Variants in MGAT4C observed in about 807,000 individuals in gnomAD.
The protein encoded by MGAT4C is alpha-1,3-mannosyl-glycoprotein 4-beta-N-acetylglucosaminyltransferase C.
In MGAT4C, 19 loss-of-function variants were observed where a neutral mutation model predicts 40.1. The observed-to-expected ratio is 0.47, with a 90% CI of 0.33 to 0.70. The LOEUF (loss-of-function observed/expected upper bound fraction) is 0.70. Ranked by LOEUF, MGAT4C falls within the 30% of genes least tolerant of loss-of-function variation. MGAT4C has a pLI of 0.02. For synonymous variants in MGAT4C, 181 were observed against 187.1 expected, an observed-to-expected ratio of 0.97 and a Z score of 0.27; for missense variants, 491 against 563.2, an observed-to-expected ratio of 0.87 and a Z score of 1.30.
At chr12:86,147,584 A>G (rs1883720286) in intron 1 of MGAT4C, among the ~76,000 whole-genome samples, 1 of 152,148 alleles carries the variant, frequency 6.6e-6, no homozygotes, top group East Asian at 1.9e-4. Context: ...TACTTAGGAT[A>G]GTTTTTCCTC....
intron 3 of MGAT4C, among the ~76,000 whole-genome samples, chr12:86,392,747 T>C (rs976653576): frequency 6.6e-6 from 1 of 152,198 alleles, no homozygotes; most frequent in Non-Finnish European, 1.5e-5. Context: ...ATTTGACTGA[T>C]AAATACATAA....
chr12:86,051,381 A>T (rs1291978076), intron 1 of MGAT4C, among the ~76,000 whole-genome samples: 2 of 152,006 alleles, frequency 1.3e-5, no homozygotes, highest in Non-Finnish European at 2.9e-5. Context: ...GCTATCATCA[A>T]CTAGAAACTT....
chr12:86,012,742 A>C (rs12230835), intron 2 of MGAT4C, among the ~76,000 whole-genome samples: 39,463 of 147,506 alleles, frequency 0.27, 6,246 homozygotes, highest in South Asian at 0.39. Context: ...GCAAGAGAGA[A>C]ACTCCGTCTC....
At chr12:86,242,155 T>A (rs534034472) in intron 1 of MGAT4C, among the ~76,000 whole-genome samples, 5 of 152,280 alleles carry the variant, frequency 3.3e-5, no homozygotes, top group African/African-American at 1.2e-4. Context: ...AAATTCTGCC[T>A]AGGGCCTCAA....
intron 1 of MGAT4C, among the ~76,000 whole-genome samples, chr12:86,138,452 C>CAT (rs1336901474): frequency 8.2e-5 from 9 of 110,414 alleles, no homozygotes; most frequent in Non-Finnish European, 1.1e-4. Context: ...TTGTATATAA[C>CAT]ATATATATAT....
intron 2 of MGAT4C, among the ~76,000 whole-genome samples, chr12:86,715,872 T>C (rs898877188): frequency 1.3e-5 from 2 of 152,162 alleles, no homozygotes; most frequent in Non-Finnish European, 2.9e-5. Context: ...TACAAAAATG[T>C]ACTTTCAAAT....
At chr12:86,294,270 G>A (rs1953604826) in intron 4 of MGAT4C, among the ~76,000 whole-genome samples, 1 of 151,902 alleles carries the variant, frequency 6.6e-6, no homozygotes, top group South Asian at 2.1e-4. Flanking sequence ...CTCCTGGATT[G>A]TCTCTAATTA....
At chr12:86,083,643 C>T (rs543320401) in intron 1 of MGAT4C, among the ~76,000 whole-genome samples, 210 of 152,116 alleles carry the variant, frequency 1.4e-3, no homozygotes, top group Middle Eastern at 6.8e-3. Flanking sequence ...AGAATGGACT[C>T]ATACACAGAG....
At chr12:86,385,125 T>C (rs1956026510) in intron 3 of MGAT4C, among the ~76,000 whole-genome samples, 1 of 152,220 alleles carries the variant, frequency 6.6e-6, no homozygotes, top group Non-Finnish European at 1.5e-5. Context: ...CATGACAGTA[T>C]TCCTCACACA....
chr12:86,104,348 G>A (rs895720352), intron 1 of MGAT4C, among the ~76,000 whole-genome samples: 6 of 151,998 alleles, frequency 3.9e-5, no homozygotes, highest in East Asian at 3.9e-4. Flanking sequence ...ATGGAGGTGC[G>A]ACAGTCAATC....
chr12:86,405,384 T>A, intron 3 of MGAT4C, among the ~76,000 whole-genome samples: 1 of 152,000 alleles, frequency 6.6e-6, no homozygotes, highest in South Asian at 2.1e-4. Flanking sequence ...AAATACCACT[T>A]AGAAACAGTC....
chr12:86,066,108 C>A (rs1295964543), intron 1 of MGAT4C, among the ~76,000 whole-genome samples: 1 of 152,090 alleles, frequency 6.6e-6, no homozygotes, highest in Admixed American at 6.6e-5. Context: ...GAGGAAGAAT[C>A]AATATCGTGA....
At chr12:86,713,016 T>A (rs1263424404) in intron 2 of MGAT4C, among the ~76,000 whole-genome samples, 2 of 152,132 alleles carry the variant, frequency 1.3e-5, no homozygotes, top group African/African-American at 4.8e-5. Context: ...CTACTATTTA[T>A]TCTGAAACTG....
At chr12:86,668,148 C>T (rs1964161649) in intron 2 of MGAT4C, among the ~76,000 whole-genome samples, 3 of 152,070 alleles carry the variant, frequency 2.0e-5, no homozygotes, top group African/African-American at 7.2e-5. Flanking sequence ...AATTTTGTTC[C>T]CAAGATGGCA....
chr12:86,807,830 T>C (rs558340877), intron 1 of MGAT4C, among the ~76,000 whole-genome samples: 2 of 152,242 alleles, frequency 1.3e-5, no homozygotes, highest in South Asian at 4.1e-4. Context: ...CTGACTGGCA[T>C]GATATGGTAT....
chr12:86,418,739 G>T (rs1367145248), intron 3 of MGAT4C, among the ~76,000 whole-genome samples: 1 of 151,964 alleles, frequency 6.6e-6, no homozygotes, highest in Non-Finnish European at 1.5e-5. Context: ...ATTACAAGGA[G>T]TACCAATAAG....
chr12:86,328,472 C>T (rs1313833898), intron 4 of MGAT4C, among the ~76,000 whole-genome samples: 3 of 151,912 alleles, frequency 2.0e-5, no homozygotes, highest in Non-Finnish European at 2.9e-5. Flanking sequence ...GTAAATTTAG[C>T]AAAGTCATAG....
chr12:86,108,976 A>T (rs1180876894), intron 1 of MGAT4C, among the ~76,000 whole-genome samples: 1 of 152,042 alleles, frequency 6.6e-6, no homozygotes, highest in Non-Finnish European at 1.5e-5. Flanking sequence ...TCAATTTATA[A>T]ATTATTATTT....
At chr12:86,195,588 A>G (rs1949771955) in intron 1 of MGAT4C, among the ~76,000 whole-genome samples, 1 of 152,188 alleles carries the variant, frequency 6.6e-6, no homozygotes, top group Admixed American at 6.5e-5. Context: ...CCCTGAAAAG[A>G]CAGCACTGAT....
Sources: allele counts gnomAD v4.1 joint callset (sites outside exome capture counted in the v4.1 genomes callset), GRCh38; gene constraint gnomAD v4.1.1; transcripts MANE v1.5; gene names NCBI Gene and HGNC (gene_info 2026-07-23, HGNC 2026-07-21).